LRP4: variants seen among roughly 807,000 people sequenced by gnomAD.
The protein encoded by LRP4 is low-density lipoprotein receptor-related protein 4.
LRP4 carries 95 observed loss-of-function variants against 220.3 expected under a neutral mutation model. The ratio of observed to expected loss-of-function variants is 0.43; its 90% CI spans 0.37 to 0.51. The LOEUF (loss-of-function observed/expected upper bound fraction) is 0.51. LRP4 is among the 20% of genes least tolerant of loss of function. The probability of loss-of-function intolerance (pLI) is 0.00; values close to 1 mark genes in which losing one functional copy is unlikely to be tolerated. For synonymous variants in LRP4, 903 were observed against 954.6 expected (o/e 0.95, Z 1.00); for missense variants, 1,925 against 2,567.0 (o/e 0.75, Z 5.40).
rs570228848 is a variant in LRP4 at position 46,875,165 on chromosome 11, G to C, written c.3926-62C>G. 1.6e-5 allele frequency: 25 copies of C among 1,539,710 alleles called. No homozygotes were observed. The highest frequency in any genetic ancestry group is 8.8e-5 in the Admixed American group (5 of 56,912). Reference sequence around the variant, plus strand: ...GGAACATCATCTGAATCTTACAAAGGTCCCAGTTGTTTGTGGCTGGCTCTT... The same window carrying C: ...GGAACATCATCTGAATCTTACAAAGCTCCCAGTTGTTTGTGGCTGGCTCTT... On this transcript the variant is annotated intron_variant, in intron 27 of 37. Transcript: ENST00000378623. This position sits in a 1 kb window ranked among gnomAD's most constrained non-coding sequence, Gnocchi z 4.5.
rs1231674298 is a variant in LRP4 at position 46,918,420 on chromosome 11, C to G, written c.-41G>C. On this transcript the variant is annotated 5_prime_UTR_variant, in exon 1 of 38. Transcript: ENST00000378623. This position sits in a 1 kb window ranked among gnomAD's most constrained non-coding sequence, Gnocchi z 6.0. Reference sequence around the variant, plus strand: ...GCTCGCCCGGGGTCCCGCCGGCTCCCGCCGGACGGCGCGGCGGAGAAGCCC... The same window carrying G: ...GCTCGCCCGGGGTCCCGCCGGCTCCGGCCGGACGGCGCGGCGGAGAAGCCC... 1.5e-6 allele frequency: 2 copies of G among 1,326,800 alleles called. No homozygotes were observed. Among genetic ancestry groups the G allele is most frequent in the Non-Finnish European group, 1.9e-6 (2 of 1,043,402 alleles). 82.2% of individuals were successfully genotyped at this position (1,326,800 alleles called of 1,614,324 possible). A position where few individuals can be genotyped will look rare whatever the true frequency, so the allele number is the denominator to read the frequency against.
At chr11:46,900,072 T>A in intron 3 of LRP4, 96 bp from the exon 4 acceptor site, 1 of 1,092,314 alleles carries the variant, frequency 9.2e-7, no homozygotes, top group Non-Finnish European at 1.4e-6. Context: ...GTAGCTCCAG[T>A]GCTGCCCTGA....
In LRP4 at chr11:46,890,733, T is replaced by C. The variant is rs1379173543; in HGVS notation, c.1698-239A>G. On this transcript the variant is annotated intron_variant, in intron 13 of 37. Coordinates refer to ENST00000378623, the MANE Select transcript of LRP4 (RefSeq NM_002334.4). This position sits in a 1 kb window ranked among gnomAD's most constrained non-coding sequence, Gnocchi z 5.3. Reference sequence around the variant, plus strand: ...CAGAAGGCCTCCCACTTCAGCCTTCTGAGCAGCTAGTATCGCTACACCTAA... The same window carrying C: ...CAGAAGGCCTCCCACTTCAGCCTTCCGAGCAGCTAGTATCGCTACACCTAA... 6.6e-6 allele frequency among the ~76,000 whole-genome samples: 1 copy of C among 152,006 alleles called. No homozygotes were observed. Among genetic ancestry groups the C allele is most frequent in the Non-Finnish European group, 1.5e-5 (1 of 67,990 alleles).
chr11:46,907,791 G>C lies in LRP4; in HGVS notation c.53-4862C>G, dbSNP rs150899297. Among the ~76,000 whole-genome samples the C allele has an allele frequency of 8.2e-3, 1,249 of 152,290 alleles. 8 individuals are homozygous for C. The highest frequency in any genetic ancestry group is 0.029 in the African/African-American group (1,206 of 41,542). ...CCACAAATTCCGCAATTTTGAGCAA[G>C]TTAGTTAATCCCTCCAGGCCTCAGT... On this transcript the variant is annotated intron_variant, in intron 1 of 37. Coordinates refer to ENST00000378623, the MANE Select transcript of LRP4 (RefSeq NM_002334.4).
rs1239213317 is a variant in LRP4, at chr11:46,899,940, T to C, written c.353A>G (p.Gln118Arg). Reference sequence around the variant, plus strand: ...CAGACTCCGGATGCAGTAGCCATTCTGGCAGGGAAACTCGTCCTCCTCACA... The same window carrying C: ...CAGACTCCGGATGCAGTAGCCATTCCGGCAGGGAAACTCGTCCTCCTCACA... Reference protein sequence around the residue: ...RECEEDEFPCQNGYCIRSLWH... With the variant: ...RECEEDEFPCRNGYCIRSLWH... The change falls in exon 4 of 38, where the codon CAG becomes CGG. Residue 118 changes from glutamine to arginine, a missense_variant. Transcript: ENST00000378623. This position sits in a 1 kb window ranked among gnomAD's most constrained non-coding sequence, Gnocchi z 5.9. 1 of 1,613,966 alleles carries C rather than the reference T, an allele frequency of 6.2e-7. No individual in the cohort carries two copies. The highest frequency in any genetic ancestry group is 1.7e-5 in the Admixed American group (1 of 60,028).
At chr11:46,881,633 T>C in intron 20 of LRP4, 69 bp downstream of exon 20, 22 of 1,478,436 alleles carry the variant, frequency 1.5e-5, no homozygotes, top group Non-Finnish European at 2.1e-5. Context: ...AGTACTGTCC[T>C]GGAGGCTGTC....
chr11:46,892,830 A>C lies in LRP4; in HGVS notation c.1697+143T>G, dbSNP rs563032609. The C allele has an allele frequency of 1.3e-4, 129 of 995,608 alleles. No individual in the cohort carries two copies. The African/African-American group carries it at 1.8e-3, about 14-fold the overall frequency. 61.7% of individuals were successfully genotyped at this position (995,608 alleles called of 1,614,324 possible). ...GGTGATCTGCCCGCCTTGGCCTCCC[A>C]AAGTGCTGGGATTACAGGCGTGAGC... On this transcript the variant is annotated intron_variant, in intron 13 of 37. Transcript: ENST00000378623.
At position 46,896,979 on chromosome 11, in the gene LRP4, G is replaced by A. The variant is rs768904639; in HGVS notation, c.812C>T (p.Thr271Met). The A allele has an allele frequency of 1.2e-5, 19 of 1,614,016 alleles. No homozygotes were observed. The highest frequency in any genetic ancestry group is 4.5e-5 in the East Asian group (2 of 44,888). Reference sequence around the variant, plus strand: ...TGAGTGACAGCGGAACTGTTCTGCCGTACACATGGAGGTGGCTGGGCAAAG... The same window carrying A: ...TGAGTGACAGCGGAACTGTTCTGCCATACACATGGAGGTGGCTGGGCAAAG... ...DERNCTTSMC[T>M]AEQFRCHSGR... The change falls in exon 8 of 38, where the codon ACG (threonine) becomes ATG (methionine). Residue 271 changes from threonine (T) to methionine (M), a missense_variant. By Grantham distance (81) the Thr-to-Met change is moderately conservative (BLOSUM62 -1). Coordinates refer to ENST00000378623, the MANE Select transcript of LRP4 (RefSeq NM_002334.4).
At position 46,873,151 on chromosome 11, in the gene LRP4, T is replaced by C. The variant is rs1940914593; in HGVS notation, c.4532A>G (p.Asn1511Ser). ...LDGSERKVLI[N>S]TDLGWPNGLT... ...GCCATTGGGCCAACCCAGGTCTGTG[T>C]TGATGAGGACCTTCCGCTCAGAACC... Residue 1511 changes from asparagine (N) to serine (S), a missense_variant, in exon 30 of 38, where the codon AAC (asparagine) becomes AGC (serine). Asn to Ser is a conservative substitution (Grantham distance 46, BLOSUM62 1). Around this residue, in one of 3 missense-constraint regions of LRP4, gnomAD observed 1,244 missense variants for 1,624.9 expected, o/e 0.77. Coordinates refer to ENST00000378623, the MANE Select transcript of LRP4 (RefSeq NM_002334.4). This position sits in a 1 kb window ranked among gnomAD's most constrained non-coding sequence, Gnocchi z 4.2. The C allele has an allele frequency of 2.5e-6, 4 of 1,614,218 alleles. No individual in the cohort carries two copies. Among genetic ancestry groups the C allele is most frequent in the African/African-American group, 1.3e-5 (1 of 75,050 alleles).
Position 46,875,979 on chromosome 11 carries a change from G to A in LRP4, c.3537-13C>T, listed in dbSNP as rs752687926. The A allele has an allele frequency of 1.2e-6, 2 of 1,613,094 alleles. No individual in the cohort carries two copies. Among genetic ancestry groups the A allele is most frequent in the Non-Finnish European group, 1.7e-6 (2 of 1,179,192 alleles). ...CCAGTACATAAACCTGAGTGAGGAA[G>A]AATATTAGCTATATTAGCTAGTTAT... On this transcript the variant is annotated splice_polypyrimidine_tract_variant and intron_variant, in intron 25 of 37. Transcript: ENST00000378623. The surrounding 1 kb of genome is among the most constrained non-coding windows in gnomAD (Gnocchi z 4.5).
In LRP4 at chr11:46,895,996, G is replaced by C. The variant is rs1264284305; in HGVS notation, c.1071C>G (p.Asn357Lys). 1.5e-5 allele frequency: 25 copies of C among 1,614,008 alleles called. No homozygotes were observed. The South Asian group carries it at 2.7e-4, about 18-fold the overall frequency. The change falls in exon 10 of 38, where the codon AAC (asparagine) becomes AAG (lysine). Residue 357 changes from asparagine (N) to lysine (K), a missense_variant. Physicochemically the swap from Asn to Lys is moderately conservative, Grantham distance 94. Around this residue, in one of 3 missense-constraint regions of LRP4, gnomAD observed 412 missense variants for 505.4 expected, o/e 0.82. Transcript: ENST00000378623. The stretch of plus-strand genomic sequence containing the variant: ...CACAGCCACCGTTGTTAACATTGCA[G>C]TTCTCCTCACCCGTCCGGGGCCCTG... Reference protein sequence around the residue: ...QNCRPRTGEENCNVNNGGCAQ... With the variant: ...QNCRPRTGEEKCNVNNGGCAQ...
At chr11:46,894,945 C>G in intron 11 of LRP4, 126 bp from the exon 12 acceptor site, 2 of 1,029,610 alleles carry the variant, frequency 1.9e-6, no homozygotes, top group Non-Finnish European at 3.0e-6. Context: ...CTGTCAGCAT[C>G]AGTACCAGAA....
At chr11:46,876,900 G>A (rs1009106406) in intron 23 of LRP4, 70 bp from the exon 24 acceptor site, 10 of 1,221,540 alleles carry the variant, frequency 8.2e-6, no homozygotes, top group Non-Finnish European at 1.2e-5. Context: ...GCTGATTCAT[G>A]TCTTGAAACA....
At chr11:46,911,569 A>T (rs1941858784) in intron 1 of LRP4, among the ~76,000 whole-genome samples, 3 of 149,172 alleles carry the variant, frequency 2.0e-5, no homozygotes, top group Admixed American at 6.8e-5. Flanking sequence ...AGCCTTGGCA[A>T]TAGAGTGAGA....
Position 46,879,157 on chromosome 11 carries a change from G to A in LRP4, c.2973C>T (p.Asp991=), listed in dbSNP as rs1407425018. Residue 991 remains aspartate, a synonymous_variant, in exon 21 of 38, where the codon GAC becomes GAT. Transcript: ENST00000378623. ...TLQENLENLM[D]IHVFHRRRPP... ...GCCGGCGGCGGTGGAAGACATGGAT[G>A]TCCATTAGGTTTTCCAGGTTCTCCT... 1 of 1,614,210 alleles carries A rather than the reference G, an allele frequency of 6.2e-7. No individual in the cohort carries two copies. The highest frequency in any genetic ancestry group is 1.1e-5 in the South Asian group (1 of 91,084).
At position 46,873,039 on chromosome 11, in the gene LRP4, T is replaced by A; in HGVS notation, c.4583+61A>T. ...TCTTTTCATTTTTCCAAGGTTAATCTCAACCATTCTCTCTTCTGCCCACCC... is the reference window on the plus strand; with the variant it reads ...TCTTTTCATTTTTCCAAGGTTAATCACAACCATTCTCTCTTCTGCCCACCC... On this transcript the variant is annotated intron_variant, in intron 30 of 37. Coordinates refer to ENST00000378623, the MANE Select transcript of LRP4 (RefSeq NM_002334.4). This position sits in a 1 kb window ranked among gnomAD's most constrained non-coding sequence, Gnocchi z 4.2. 1.9e-6 allele frequency: 3 copies of A among 1,609,122 alleles called. No individual in the cohort carries two copies. The highest frequency in any genetic ancestry group is 2.6e-6 in the Non-Finnish European group (3 of 1,175,796).
chr11:46,896,097 A>C (rs1592542173), intron 9 of LRP4, 79 bp from the exon 10 acceptor site: 1 of 1,612,162 alleles, frequency 6.2e-7, no homozygotes, highest in East Asian at 2.2e-5. Context: ...CACCTGGACC[A>C]CAAAGAACAG....
chr11:46,860,852 G>T, intron 37 of LRP4: 1 of 447,838 alleles, frequency 2.2e-6, no homozygotes, highest in Non-Finnish European at 3.0e-6. Context: ...CGCTGGGTAA[G>T]TTAGGGAGAG....
rs548242509 is a variant in LRP4, at chr11:46,906,632, C to T, written c.53-3703G>A. Reference sequence around the variant, plus strand: ...TCCAAAAGGCCTTGATATTAAGAATCAGAGTACCAGAATAGAGCAAGTAGA... The same window carrying T: ...TCCAAAAGGCCTTGATATTAAGAATTAGAGTACCAGAATAGAGCAAGTAGA... On this transcript the variant is annotated intron_variant, in intron 1 of 37. Transcript: ENST00000378623. Among the ~76,000 whole-genome samples the T allele has an allele frequency of 1.7e-4, 26 of 152,232 alleles. No individual in the cohort carries two copies. In the South Asian group the frequency reaches 4.1e-3, roughly 24 times the overall value.
Sources: allele counts gnomAD v4.1 joint callset (sites outside exome capture counted in the v4.1 genomes callset), GRCh38; gene constraint gnomAD v4.1.1; regional missense constraint gnomAD v4.1.1; non-coding constraint Gnocchi (gnomAD v3.1); transcripts MANE v1.5; gene names NCBI Gene and HGNC (gene_info 2026-07-23, HGNC 2026-07-21).